Variants in CFAP251 observed in about 807,000 individuals in gnomAD.
The protein encoded by CFAP251 is cilia- and flagella-associated protein 251.
In CFAP251, 93 loss-of-function variants were observed where a neutral mutation model predicts 126.7. The ratio of observed to expected loss-of-function variants is 0.73; its 90% CI spans 0.62 to 0.87. CFAP251 has a LOEUF of 0.87. Ranked by LOEUF, CFAP251 falls within the 40% of genes least tolerant of loss-of-function variation. The pLI, the probability that CFAP251 is intolerant of heterozygous loss-of-function variation, is 0.00. For synonymous variants in CFAP251, 503 were observed against 506.9 expected (o/e 0.99, Z 0.10); for missense variants, 1,287 against 1,389.2 (o/e 0.93, Z 1.17).
intron 3 of CFAP251, among the ~76,000 whole-genome samples, chr12:121,931,466 C>A (rs1880685649): frequency 6.6e-6 from 1 of 152,182 alleles, no homozygotes. Flanking sequence ...GCATGCATCA[C>A]CACACCCAGC....
intron 19 of CFAP251, chr12:121,992,526 TCATATATTA>T: frequency 1.0e-6 from 1 of 978,526 alleles, no homozygotes; most frequent in Non-Finnish European, 1.2e-6. Flanking sequence ...CTGAGTTAAA[TCATATATTA>T]CATTGGTAAT....
intron 5 of CFAP251, 31 bp downstream of exon 5, chr12:121,934,387 CT>C: frequency 6.5e-7 from 1 of 1,528,480 alleles, no homozygotes; most frequent in Non-Finnish European, 9.0e-7. Context: ...TCTTTTTTCC[CT>C]GAATTTCTGT....
At position 121,942,594 on chromosome 12, in the gene CFAP251, C is replaced by G. The variant is rs746190448; in HGVS notation, c.1059C>G (p.Ala353=). Residue 353 remains alanine (A), a synonymous_variant, in exon 6 of 22, where the codon GCC becomes GCG. Transcript: ENST00000288912. ...AAGGGAATGGCATCATGGCCATGGC[C>G]ATGACCCACGACGCCAAGTATCTGG... ...CPEGNGIMAM[A]MTHDAKYLAT... 1 of 1,613,842 alleles carries G rather than the reference C, an allele frequency of 6.2e-7. No homozygotes were observed.
rs563874325 is a variant in CFAP251, at chr12:121,970,301, A to G, written c.2771+2132A>G. Among the ~76,000 whole-genome samples, 13 of 152,076 alleles carry G rather than the reference A, an allele frequency of 8.5e-5. No individual in the cohort carries two copies. The South Asian group carries it at 2.7e-3, about 32-fold the overall frequency. Reference sequence around the variant, plus strand: ...TCTGGCATCTGTTTCCAAATCCTGCATTACTTTTTTGTGCTCATCCTCCCT... The same window carrying G: ...TCTGGCATCTGTTTCCAAATCCTGCGTTACTTTTTTGTGCTCATCCTCCCT... On this transcript the variant is annotated intron_variant, in intron 17 of 21. Transcript: ENST00000288912.
intron 19 of CFAP251, among the ~76,000 whole-genome samples, chr12:121,976,997 C>A (rs1447679757): frequency 6.6e-6 from 1 of 152,104 alleles, no homozygotes; most frequent in Non-Finnish European, 1.5e-5. Context: ...TTTATATAAT[C>A]ATATATATAA....
chr12:122,001,733 A>AAT (rs1883156976), intron 21 of CFAP251, 135 bp downstream of exon 21: 1 of 709,152 alleles, frequency 1.4e-6, no homozygotes, highest in African/African-American at 1.8e-5. Flanking sequence ...TCTGTTGGGA[A>AAT]TCCCACATGA....
In CFAP251 at chr12:122,001,525, G is replaced by A. The variant is rs768868732; in HGVS notation, c.3264G>A (p.Leu1088=). The change falls in exon 21 of 22, where the codon TTG becomes TTA. Residue 1088 remains leucine (L), a synonymous_variant. Coordinates refer to ENST00000288912, the MANE Select transcript of CFAP251 (RefSeq NM_144668.6). ...KGEHMTEEEM[L]DCFASLFGLN... ...AGCATATGACGGAGGAGGAGATGTT[G>A]GATTGCTTTGCTTCACTGTTTGGCC... 5.0e-6 allele frequency: 8 copies of A among 1,614,002 alleles called. No homozygotes were observed. In the African/African-American group the frequency reaches 9.3e-5, roughly 19 times the overall value.
rs765734803 is a variant in CFAP251, at chr12:121,921,339, A to G, written c.34A>G (p.Thr12Ala). Residue 12 changes from threonine (T) to alanine (A), a missense_variant, in exon 2 of 22, where the codon ACA becomes GCA. Transcript: ENST00000288912. ...TGCAGCAGAAGCTCCCCGAGAAGCAACAGGAGAAAATGGAGAAACAGAAAT... is the reference window on the plus strand; with the variant it reads ...TGCAGCAGAAGCTCCCCGAGAAGCAGCAGGAGAAAATGGAGAAACAGAAAT... ...SDAAEAPREATGENGETEMKE... is the reference protein window; with the variant it reads ...SDAAEAPREAAGENGETEMKE... 6.2e-7 allele frequency: 1 copy of G among 1,603,822 alleles called. No homozygotes were observed. The highest frequency in any genetic ancestry group is 8.5e-7 in the Non-Finnish European group (1 of 1,177,394).
intron 16 of CFAP251, 83 bp from the exon 17 acceptor site, chr12:121,967,923 C>A: frequency 7.9e-7 from 1 of 1,272,196 alleles, no homozygotes; most frequent in Non-Finnish European, 1.1e-6. Flanking sequence ...GCACACAGAT[C>A]TGGAGGTGAC....
At chr12:121,973,646 C>T (rs377700433) in intron 17 of CFAP251, among the ~76,000 whole-genome samples, 39 of 152,324 alleles carry the variant, frequency 2.6e-4, no homozygotes, top group Admixed American at 7.8e-4. Flanking sequence ...CTTGCATCAG[C>T]GTGACCTGGA....
At chr12:121,985,999 T>C (rs1882736926) in intron 19 of CFAP251, among the ~76,000 whole-genome samples, 1 of 151,586 alleles carries the variant, frequency 6.6e-6, no homozygotes, top group South Asian at 2.1e-4. Flanking sequence ...CTACAAATTA[T>C]TATTATTTTT....
In CFAP251 at chr12:122,003,771, C is replaced by G. The variant is rs1434895335; in HGVS notation, c.*7C>G. The G allele has an allele frequency of 3.1e-6, 5 of 1,597,022 alleles. No individual in the cohort carries two copies. Among genetic ancestry groups the G allele is most frequent in the East Asian group, 2.3e-5 (1 of 44,130 alleles). On this transcript the variant is annotated 3_prime_UTR_variant, in exon 22 of 22. Transcript: ENST00000288912. ...CGGCCAGGATGGTCAGTGAAGTTAC[C>G]AGGAATGTTTAAAGCACAAAGGACT...
At chr12:121,960,560 C>T (rs765018907) in intron 13 of CFAP251, 25 bp from the exon 14 acceptor site, 2 of 1,612,968 alleles carry the variant, frequency 1.2e-6, no homozygotes, top group South Asian at 1.1e-5. Flanking sequence ...AATGGGATAA[C>T]TCCTTCTCTT....
chr12:121,936,426 G>A (rs983355066), intron 5 of CFAP251, among the ~76,000 whole-genome samples: 3 of 152,206 alleles, frequency 2.0e-5, no homozygotes, highest in African/African-American at 7.2e-5. Context: ...CTGCCAGGGC[G>A]ACAGAGCAAA....
At chr12:121,975,145 T>C in intron 17 of CFAP251, 99 bp from the exon 18 acceptor site, 1 of 905,640 alleles carries the variant, frequency 1.1e-6, no homozygotes, top group South Asian at 1.4e-5. Context: ...ATCTGTGCTG[T>C]GATACCCTTC....
At chr12:121,960,823 G>C (rs989417287) in intron 14 of CFAP251, 65 bp downstream of exon 14, 46 of 1,563,644 alleles carry the variant, frequency 2.9e-5, no homozygotes, top group Non-Finnish European at 4.0e-5. Flanking sequence ...GACATCCCTG[G>C]CATCTTGCAT....
intron 19 of CFAP251, among the ~76,000 whole-genome samples, chr12:121,990,082 T>A (rs1032036602): frequency 6.6e-6 from 1 of 151,966 alleles, no homozygotes; most frequent in Admixed American, 6.5e-5. Context: ...TGTCTAAATG[T>A]TTAAAAGTTA....
At position 122,003,652 on chromosome 12, in the gene CFAP251, G is replaced by GT. The variant is rs766197746; in HGVS notation, c.3340dup (p.Ser1114PhefsTer6). 1 of 1,607,316 alleles carries GT rather than the reference G, an allele frequency of 6.2e-7. No individual in the cohort carries two copies. The highest frequency in any genetic ancestry group is 1.1e-5 in the South Asian group (1 of 89,524). ...GGTGTTCTTTTCTTGTTTTGGCTAG[G>GT]TTCAGAAATTTGCCTTGAAGAAGAA... On this transcript the variant is annotated frameshift_variant and splice_region_variant, in exon 22 of 22. Coordinates refer to ENST00000288912, the MANE Select transcript of CFAP251 (RefSeq NM_144668.6). LOFTEE classifies it high-confidence loss of function.
In CFAP251 at chr12:121,954,150, C is replaced by T; in HGVS notation, c.1351C>T (p.Gln451Ter). The T allele has an allele frequency of 6.2e-7, 1 of 1,614,060 alleles. No homozygotes were observed. The highest frequency in any genetic ancestry group is 8.5e-7 in the Non-Finnish European group (1 of 1,180,010). Residue 451 changes from glutamine to a stop codon, truncating the protein, a stop_gained, in exon 10 of 22, where the codon CAG (glutamine) becomes TAG (stop). Coordinates refer to ENST00000288912, the MANE Select transcript of CFAP251 (RefSeq NM_144668.6). LOFTEE classifies it high-confidence loss of function. The part of the protein sequence containing the change: ...TFNKLVGKFS[Q>*]SIFHLNLTQI... Reference sequence around the variant, plus strand: ...CAACAAGCTTGTGGGAAAGTTTAGCCAGTCCATCTTTCACTTGAATTTAAC... The same window carrying T: ...CAACAAGCTTGTGGGAAAGTTTAGCTAGTCCATCTTTCACTTGAATTTAAC...
Sources: allele counts gnomAD v4.1 joint callset (sites outside exome capture counted in the v4.1 genomes callset), GRCh38; gene constraint gnomAD v4.1.1; transcripts MANE v1.5; gene names NCBI Gene and HGNC (gene_info 2026-07-23, HGNC 2026-07-21).